The following ZNF215 variants were observed in gnomAD, a reference collection of about 807,000 sequenced individuals.
ZNF215 encodes zinc finger protein 215.
Under a neutral mutation model 27.2 loss-of-function variants are expected in ZNF215, and 24 were observed. The observed-to-expected ratio is 0.88, with a 90% confidence interval of 0.64 to 1.24. ZNF215 has a LOEUF of 1.24. Ranked by LOEUF, ZNF215 falls within the 50% of genes most tolerant of loss-of-function variation. The probability of loss-of-function intolerance (pLI) is 0.00; values close to 1 mark genes in which losing one functional copy is unlikely to be tolerated. For synonymous variants in ZNF215, 210 were observed against 204.0 expected (o/e 1.03, Z -0.25); for missense variants, 675 against 605.7 (o/e 1.11, Z -1.20).
intron 5 of ZNF215, among the ~76,000 whole-genome samples, chr11:6,963,707 C>G (rs1850562272): frequency 6.6e-6 from 1 of 152,002 alleles, no homozygotes; most frequent in Non-Finnish European, 1.5e-5. Flanking sequence ...AAGAAACTGT[C>G]AAACTATTTT....
intron 6 of ZNF215, among the ~76,000 whole-genome samples, chr11:6,953,039 G>A (rs578137343): frequency 2.0e-5 from 3 of 152,020 alleles, no homozygotes; most frequent in African/African-American, 7.3e-5. Flanking sequence ...AAATTCTTTT[G>A]TTTAAGAATG....
intron 6 of ZNF215, among the ~76,000 whole-genome samples, chr11:6,955,310 T>C (rs543382852): frequency 6.6e-6 from 1 of 152,338 alleles, no homozygotes; most frequent in South Asian, 2.1e-4. Flanking sequence ...GGAATATTTA[T>C]TGGTAAACAG....
At chr11:6,976,787 A>C (rs377465753) in intron 5 of ZNF215, among the ~76,000 whole-genome samples, 1 of 152,066 alleles carries the variant, frequency 6.6e-6, no homozygotes, top group Non-Finnish European at 1.5e-5. Context: ...AGAAATACAC[A>C]TGTATATGTT....
intron 6 of ZNF215, among the ~76,000 whole-genome samples, chr11:6,953,682 T>C (rs1850189561): frequency 6.6e-6 from 1 of 152,208 alleles, no homozygotes; most frequent in South Asian, 2.1e-4. Flanking sequence ...TGGTTTGAAT[T>C]TCCTCCTGTA....
chr11:6,973,095 C>G (rs12418124), intron 5 of ZNF215, among the ~76,000 whole-genome samples: 34,192 of 151,894 alleles, frequency 0.23, 3,978 homozygotes, highest in Non-Finnish European at 0.25. Context: ...CCCTTCCTGT[C>G]TCCAAGTGTT....
chr11:6,989,769 C>G (rs1851097953), downstream of ZNF215, among the ~76,000 whole-genome samples: 1 of 152,132 alleles, frequency 6.6e-6, no homozygotes, highest in Admixed American at 6.5e-5. Flanking sequence ...TTGCAACCAC[C>G]AGACAAATCT....
chr11:6,952,605 T>C (rs1433098959), intron 6 of ZNF215, among the ~76,000 whole-genome samples: 2 of 151,834 alleles, frequency 1.3e-5, no homozygotes, highest in South Asian at 2.1e-4. Flanking sequence ...TCCTCCATCC[T>C]TTTATTTTGA....
In ZNF215 at chr11:6,972,478, A is replaced by C. The variant is rs186392907; in HGVS notation, c.806-11651A>C. On this transcript the variant is annotated intron_variant, in intron 5 of 5. Coordinates refer to the ZNF215 transcript ENST00000529903. ...AATTCACAGATTGTTTTTTATATTT[A>C]ACTTAATAACTATTGAATAACTACA... Among the ~76,000 whole-genome samples the C allele has an allele frequency of 2.6e-5, 4 of 152,050 alleles. No individual in the cohort carries two copies. The East Asian group carries it at 7.7e-4, about 29-fold the overall frequency.
chr11:6,947,486 A>G (rs1308346196), intron 6 of ZNF215, among the ~76,000 whole-genome samples: 1 of 152,120 alleles, frequency 6.6e-6, no homozygotes, highest in Non-Finnish European at 1.5e-5. Flanking sequence ...GGCCGCAGTG[A>G]GCTATGATTG....
intron 6 of ZNF215, among the ~76,000 whole-genome samples, chr11:6,952,061 C>T (rs962743537): frequency 1.2e-4 from 19 of 152,182 alleles, no homozygotes; most frequent in East Asian, 7.7e-4. Context: ...AGTTTCTTAA[C>T]CCTGAGTTCT....
In ZNF215 at chr11:6,957,727, T is replaced by C. The variant is rs1024789605; in HGVS notation, c.*1196T>C. The C allele has an allele frequency of 5.1e-6, 5 of 984,948 alleles. No individual in the cohort carries two copies. The African/African-American group carries it at 8.7e-5, about 17-fold the overall frequency. The allele number at this position is 984,948 out of a possible 1,614,324, so 61.0% of individuals were successfully genotyped here. ...AGTTCCTAAGAACCTATTGATGATG[T>C]TCAGTGCAGACTTACTGTACCTTTG... On this transcript the variant is annotated 3_prime_UTR_variant, in exon 7 of 7. Coordinates refer to ENST00000278319, the MANE Select transcript of ZNF215 (RefSeq NM_013250.4).
chr11:6,934,757 T>C (rs1422071665), intron 3 of ZNF215, among the ~76,000 whole-genome samples: 1 of 152,166 alleles, frequency 6.6e-6, no homozygotes, highest in Non-Finnish European at 1.5e-5. Context: ...CATCTTAAGG[T>C]CCTTGACTTT....
intron 6 of ZNF215, among the ~76,000 whole-genome samples, chr11:6,948,054 C>T (rs571713642): frequency 1.3e-5 from 2 of 152,262 alleles, no homozygotes; most frequent in East Asian, 3.9e-4. Context: ...TCACTTCTGC[C>T]ACATTCTGTT....
In ZNF215 at chr11:6,952,324, G is replaced by A. The variant is rs567778759; in HGVS notation, c.713-3366G>A. The stretch of plus-strand genomic sequence containing the variant: ...CTGTCTTGTTGATCTATCTAATGTT[G>A]ACAGTAGGGTGTTGAAGTCTCCCAT... On this transcript the variant is annotated intron_variant, in intron 6 of 6. Coordinates refer to ENST00000278319, the MANE Select transcript of ZNF215 (RefSeq NM_013250.4). 1.9e-3 allele frequency among the ~76,000 whole-genome samples: 292 copies of A among 152,270 alleles called. 2 individuals are homozygous for A. Among genetic ancestry groups the A allele is most frequent in the African/African-American group, 6.7e-3 (278 of 41,540 alleles).
chr11:6,982,221 T>C (rs1461222671), intron 5 of ZNF215, among the ~76,000 whole-genome samples: 1 of 152,060 alleles, frequency 6.6e-6, no homozygotes, highest in Non-Finnish European at 1.5e-5. Context: ...TTTCATGATA[T>C]ATGCACCCAA....
At chr11:6,933,455 G>A (rs975593925) in intron 3 of ZNF215, among the ~76,000 whole-genome samples, 8 of 152,174 alleles carry the variant, frequency 5.3e-5, no homozygotes, top group African/African-American at 1.9e-4. Context: ...GAACACAGAA[G>A]TAGGAGAAAT....
intron 3 of ZNF215, among the ~76,000 whole-genome samples, chr11:6,936,239 G>A (rs1378646087): frequency 6.6e-6 from 1 of 151,934 alleles, no homozygotes; most frequent in Non-Finnish European, 1.5e-5. Context: ...CAGCAAAACT[G>A]ACAAAGGTTT....
chr11:6,937,424 A>G (rs894028169), intron 3 of ZNF215, among the ~76,000 whole-genome samples: 4 of 151,686 alleles, frequency 2.6e-5, no homozygotes, highest in Non-Finnish European at 5.9e-5. Flanking sequence ...AATATCATAA[A>G]GATAACACTC....
intron 6 of ZNF215, among the ~76,000 whole-genome samples, chr11:6,953,703 G>A (rs1850191180): frequency 6.6e-6 from 1 of 152,188 alleles, no homozygotes; most frequent in Admixed American, 6.5e-5. Context: ...GCTTGAAGTA[G>A]TTTGATCATC....
Sources: allele counts gnomAD v4.1 joint callset (sites outside exome capture counted in the v4.1 genomes callset), GRCh38; gene constraint gnomAD v4.1.1; transcripts MANE v1.5; gene names NCBI Gene and HGNC (gene_info 2026-07-23, HGNC 2026-07-21).